GRM7: variants seen among roughly 807,000 people sequenced by gnomAD.
GRM7 encodes the protein metabotropic glutamate receptor 7.
Under a neutral mutation model 84.5 loss-of-function variants are expected in GRM7, and 35 were observed. The ratio of observed to expected loss-of-function variants is 0.41; its 90% confidence interval spans 0.32 to 0.55. The LOEUF (loss-of-function observed/expected upper bound fraction) is 0.55. Among genes scored for constraint, GRM7 ranks in the 20% least tolerant of loss-of-function variants. GRM7 has a pLI of 0.19. For synonymous variants in GRM7, 487 were observed against 455.1 expected, an observed-to-expected ratio of 1.07 and a Z score of -0.89; for missense variants, 1,003 against 1,194.6, an observed-to-expected ratio of 0.84 and a Z score of 2.36.
intron 1 of GRM7, among the ~76,000 whole-genome samples, chr3:7,099,980 G>T (rs1024797026): frequency 6.8e-6 from 1 of 146,602 alleles, no homozygotes; most frequent in East Asian, 2.0e-4. Context: ...ATATATAATT[G>T]CATATGTACA....
intron 1 of GRM7, among the ~76,000 whole-genome samples, chr3:6,952,746 A>T (rs746967071): frequency 6.6e-6 from 1 of 152,188 alleles, no homozygotes; most frequent in Non-Finnish European, 1.5e-5. Flanking sequence ...CGTTTCAGGT[A>T]AGAAGGTAAA....
intron 2 of GRM7, among the ~76,000 whole-genome samples, chr3:7,182,166 T>A (rs550439233): frequency 2.0e-5 from 3 of 152,214 alleles, no homozygotes; most frequent in African/African-American, 7.2e-5. Context: ...ACATTCAAGT[T>A]CAGAGAATTA....
intron 9 of GRM7, among the ~76,000 whole-genome samples, chr3:7,698,300 CCA>C: frequency 6.6e-6 from 1 of 152,258 alleles, no homozygotes; most frequent in East Asian, 1.9e-4. Context: ...GCAGTGGCAG[CCA>C]TGCTGTGTGG....
intron 2 of GRM7, among the ~76,000 whole-genome samples, chr3:7,198,077 T>C (rs1243662298): frequency 6.6e-6 from 1 of 151,936 alleles, no homozygotes; most frequent in Non-Finnish European, 1.5e-5. Flanking sequence ...TGATGAGTTT[T>C]AATCGTTTTA....
intron 1 of GRM7, among the ~76,000 whole-genome samples, chr3:6,871,504 A>G (rs1430584194): frequency 2.6e-5 from 4 of 151,942 alleles, no homozygotes; most frequent in Non-Finnish European, 5.9e-5. Context: ...CAGGCATTTC[A>G]TGTATTTCCT....
At chr3:7,693,567 T>C in intron 9 of GRM7, 1 of 965,130 alleles carries the variant, frequency 1.0e-6, no homozygotes. Context: ...GCAAATTTCA[T>C]TTGCATTTAA....
chr3:7,454,711 T>C (rs908204118), intron 6 of GRM7, among the ~76,000 whole-genome samples: 1 of 151,986 alleles, frequency 6.6e-6, no homozygotes, highest in Admixed American at 6.6e-5. Flanking sequence ...AAGATAAAAA[T>C]CCCTAACAAG....
intron 9 of GRM7, among the ~76,000 whole-genome samples, chr3:7,706,684 AT>A (rs1395922653): frequency 1.3e-5 from 2 of 152,172 alleles, no homozygotes; most frequent in Non-Finnish European, 2.9e-5. Context: ...TATGCAGAGT[AT>A]TGCTAATCAG....
chr3:7,608,286 T>C (rs1454042294), intron 8 of GRM7, among the ~76,000 whole-genome samples: 1 of 152,196 alleles, frequency 6.6e-6, no homozygotes, highest in Non-Finnish European at 1.5e-5. Context: ...ATTCCACTTT[T>C]AGCTTTTTGA....
At chr3:7,460,099 T>TAAAA (rs71066013) in intron 6 of GRM7, among the ~76,000 whole-genome samples, 3,182 of 49,568 alleles carry the variant, frequency 0.064, 197 homozygotes, top group South Asian at 0.11. Context: ...CTTAAAATAG[T>TAAAA]AAAAAAAAAA....
At chr3:7,302,642 T>C (rs1430256128) in intron 3 of GRM7, among the ~76,000 whole-genome samples, 1 of 152,158 alleles carries the variant, frequency 6.6e-6, no homozygotes, top group African/African-American at 2.4e-5. Flanking sequence ...GGTCAGCTTT[T>C]ATTTTGTGAA....
chr3:6,891,683 A>G (rs374713104), intron 1 of GRM7, among the ~76,000 whole-genome samples: 3 of 151,946 alleles, frequency 2.0e-5, no homozygotes, highest in East Asian at 3.9e-4. Flanking sequence ...CTTCATTTCA[A>G]CTTTGGCAAA....
intron 1 of GRM7, among the ~76,000 whole-genome samples, chr3:6,875,818 C>A (rs914665665): frequency 1.2e-4 from 19 of 152,148 alleles, no homozygotes; most frequent in African/African-American, 4.6e-4. Flanking sequence ...ACATAAAGAA[C>A]TGGAGTTCTC....
chr3:7,414,797 A>C (rs1696091065), intron 4 of GRM7, among the ~76,000 whole-genome samples: 1 of 152,106 alleles, frequency 6.6e-6, no homozygotes, highest in Non-Finnish European at 1.5e-5. Context: ...TACAAATGGA[A>C]ATTATGCTAG....
chr3:7,078,885 G>A lies in GRM7; in HGVS notation c.520-67567G>A, dbSNP rs572260097. 2.0e-5 allele frequency among the ~76,000 whole-genome samples: 3 copies of A among 150,782 alleles called. No homozygotes were observed. The East Asian group carries it at 5.8e-4, about 29-fold the overall frequency. On this transcript the variant is annotated intron_variant, in intron 1 of 9. Transcript: ENST00000357716. ...TTTTTTCATTTCTTTGCTGTGGTAA[G>A]TAGAGTAAATAGATGATATTAGAAT...
At chr3:7,022,152 C>A (rs946423325) in intron 1 of GRM7, among the ~76,000 whole-genome samples, 3 of 151,748 alleles carry the variant, frequency 2.0e-5, no homozygotes, top group African/African-American at 7.3e-5. Context: ...CATGGTGATA[C>A]CCAGTCTCTA....
chr3:7,642,231 T>C (rs1698396904), intron 8 of GRM7, among the ~76,000 whole-genome samples: 2 of 152,170 alleles, frequency 1.3e-5, no homozygotes, highest in Non-Finnish European at 2.9e-5. Flanking sequence ...ACATACCTTG[T>C]CCTGGGACTA....
chr3:6,955,865 A>C (rs1194614245), intron 1 of GRM7, among the ~76,000 whole-genome samples: 1 of 151,858 alleles, frequency 6.6e-6, no homozygotes. Flanking sequence ...ATAGAATGAC[A>C]TTCTTTTCCT....
At position 7,579,161 on chromosome 3, in the gene GRM7, C is replaced by T; in HGVS notation, c.2255C>T (p.Thr752Ile). The T allele has an allele frequency of 6.2e-7, 1 of 1,613,832 alleles. No homozygotes were observed. Among genetic ancestry groups the T allele is most frequent in the Non-Finnish European group, 8.5e-7 (1 of 1,179,738 alleles). ...QARGVLKCDI[T>I]DLQIICSLGY... ...AGAGGGGTTCTCAAGTGTGACATTACAGATCTCCAAATCATTTGCTCCTTG... is the reference window on the plus strand; with the variant it reads ...AGAGGGGTTCTCAAGTGTGACATTATAGATCTCCAAATCATTTGCTCCTTG... The change falls in exon 8 of 10, where the codon ACA (threonine) becomes ATA (isoleucine). Residue 752 changes from threonine (T) to isoleucine (I), a missense_variant. Around this residue, in one of 2 missense-constraint regions of GRM7, gnomAD observed 910 missense variants for 1,126.0 expected, o/e 0.81. Coordinates refer to ENST00000357716, the MANE Select transcript of GRM7 (RefSeq NM_000844.4).
Sources: allele counts gnomAD v4.1 joint callset (sites outside exome capture counted in the v4.1 genomes callset), GRCh38; gene constraint gnomAD v4.1.1; regional missense constraint gnomAD v4.1.1; transcripts MANE v1.5; gene names NCBI Gene and HGNC (gene_info 2026-07-23, HGNC 2026-07-21).